TBC1D12: variants seen among roughly 807,000 people sequenced by gnomAD.
The protein encoded by TBC1D12 is TBC1 domain family, member 12.
In TBC1D12, 56 loss-of-function variants were observed where a neutral mutation model predicts 86.7. The ratio of observed to expected loss-of-function variants is 0.65; its 90% CI spans 0.52 to 0.81. The LOEUF (loss-of-function observed/expected upper bound fraction) is 0.81, where lower values mean the gene tolerates loss of function less well. TBC1D12 is among the 30% of genes least tolerant of loss of function. TBC1D12 has a pLI of 0.00. For missense variants in TBC1D12, 1,023 were observed against 1,038.8 expected, an observed-to-expected ratio of 0.98 and a Z score of 0.21; for synonymous variants, 421 against 411.7, an observed-to-expected ratio of 1.02 and a Z score of -0.27.
chr10:94,406,844 A>G (rs1432088405), intron 1 of TBC1D12, among the ~76,000 whole-genome samples: 1 of 152,196 alleles, frequency 6.6e-6, no homozygotes, highest in East Asian at 1.9e-4. Flanking sequence ...CATTGTCTAA[A>G]GAAGGTAATT....
At chr10:94,510,044 G>C in intron 7 of TBC1D12, 47 bp from the exon 8 acceptor site, 2 of 1,425,124 alleles carry the variant, frequency 1.4e-6, no homozygotes, top group East Asian at 2.3e-5. Context: ...AATTGGACTT[G>C]TTAGAGCCAA....
intron 1 of TBC1D12, among the ~76,000 whole-genome samples, chr10:94,424,687 A>G (rs978804879): frequency 1.3e-5 from 2 of 152,230 alleles, no homozygotes; most frequent in African/African-American, 4.8e-5. Flanking sequence ...ATTTCATTAC[A>G]GGCCCTGGGA....
chr10:94,470,836 A>G (rs1423543662), intron 2 of TBC1D12, among the ~76,000 whole-genome samples: 1 of 151,754 alleles, frequency 6.6e-6, no homozygotes, highest in Admixed American at 6.6e-5. Context: ...CTATTTTCTG[A>G]TAAAGATGAG....
At chr10:94,481,141 A>G (rs754971850) in intron 3 of TBC1D12, among the ~76,000 whole-genome samples, 21 of 144,132 alleles carry the variant, frequency 1.5e-4, no homozygotes, top group Non-Finnish European at 2.7e-4. Flanking sequence ...TCCAGGCTTT[A>G]TTGAGCACAG....
chr10:94,489,599 C>A (rs1321586176), intron 3 of TBC1D12, among the ~76,000 whole-genome samples: 4 of 152,186 alleles, frequency 2.6e-5, no homozygotes, highest in Non-Finnish European at 4.4e-5. Flanking sequence ...TCTTCACCCC[C>A]CTATCTTGGC....
rs1443976785 is a variant in TBC1D12, at chr10:94,442,004, C to A, written c.1080C>A (p.Ser360=). ...VPPRENLQKT[S]KIIQQEYEAR... ...CTAGAGAGAATCTTCAGAAAACATC[C>A]AAAATCATTCAGCAGGTAAGTACTG... The change falls in exon 2 of 13, where the codon TCC becomes TCA. Residue 360 remains serine (S), a synonymous_variant. Transcript: ENST00000225235. 6.2e-7 allele frequency: 1 copy of A among 1,612,266 alleles called. No individual in the cohort carries two copies. Among genetic ancestry groups the A allele is most frequent in the African/African-American group, 1.3e-5 (1 of 74,886 alleles).
chr10:94,458,711 A>G (rs1192732436), intron 2 of TBC1D12, among the ~76,000 whole-genome samples: 2 of 152,068 alleles, frequency 1.3e-5, no homozygotes, highest in Non-Finnish European at 2.9e-5. Flanking sequence ...TCAGGGGTGA[A>G]GCTGTAGACC....
rs1216840557 is a variant in TBC1D12, at chr10:94,403,333, C to T, written c.720C>T (p.Ala240=). ...ACTCAGAGCAGCGGGGAGTCGGCGC[C>T]GGGGGTCCCGAGGAGGGCGCGCCCC... ...SEDSEQRGVG[A]GGPEEGAPPA... The change falls in exon 1 of 13, where the codon GCC becomes GCT. Residue 240 remains alanine (A), a synonymous_variant. Transcript: ENST00000225235. 6.6e-6 allele frequency: 10 copies of T among 1,520,800 alleles called. No individual in the cohort carries two copies. The highest frequency in any genetic ancestry group is 5.3e-5 in the East Asian group (2 of 37,476). The allele number at this position is 1,520,800 out of a possible 1,614,324, so 94.2% of individuals were successfully genotyped here.
chr10:94,490,512 A>G (rs987976636), intron 3 of TBC1D12, among the ~76,000 whole-genome samples: 1 of 152,162 alleles, frequency 6.6e-6, no homozygotes, highest in African/African-American at 2.4e-5. Context: ...TGACATTTTT[A>G]TATTGTGACT....
chr10:94,534,435 A>G lies in TBC1D12; in HGVS notation c.*1339A>G, dbSNP rs923213592. On this transcript the variant is annotated 3_prime_UTR_variant, in exon 13 of 13. Transcript: ENST00000225235. ...TGCTTCCTCACATTGGCCACTTTGC[A>G]TAGGTTCGGGAACTTAGCAGGTTTT... 2.6e-5 allele frequency: 4 copies of G among 152,180 alleles called. No homozygotes were observed. The highest frequency in any genetic ancestry group is 6.6e-5 in the Admixed American group (1 of 15,262). 9.4% of individuals were successfully genotyped at this position (152,180 alleles called of 1,614,324 possible).
At chr10:94,418,984 C>T (rs1414590207) in intron 1 of TBC1D12, among the ~76,000 whole-genome samples, 4 of 151,952 alleles carry the variant, frequency 2.6e-5, no homozygotes, top group African/African-American at 9.7e-5. Flanking sequence ...AAGTGATTCT[C>T]CTGCCTCAGC....
At chr10:94,526,309 C>T (rs1274585717) in intron 11 of TBC1D12, among the ~76,000 whole-genome samples, 16 of 151,944 alleles carry the variant, frequency 1.1e-4, no homozygotes. Flanking sequence ...GGTGGCATCA[C>T]CTGTAGTCCC....
chr10:94,437,331 T>G (rs2055315319), intron 1 of TBC1D12, among the ~76,000 whole-genome samples: 1 of 151,698 alleles, frequency 6.6e-6, no homozygotes, highest in Non-Finnish European at 1.5e-5. Flanking sequence ...TTGGTTATTT[T>G]CTTTTTTTTT....
At chr10:94,465,772 A>ATG (rs1297912539) in intron 2 of TBC1D12, among the ~76,000 whole-genome samples, 3 of 150,102 alleles carry the variant, frequency 2.0e-5, no homozygotes, top group Non-Finnish European at 4.4e-5. Context: ...ACATACGTAT[A>ATG]CGCATACATA....
chr10:94,420,473 C>G lies in TBC1D12; in HGVS notation c.971+16889C>G, dbSNP rs114252667. 3.0e-3 allele frequency among the ~76,000 whole-genome samples: 455 copies of G among 152,330 alleles called. 3 individuals are homozygous for G. The highest frequency in any genetic ancestry group is 0.01 in the African/African-American group (429 of 41,580). On this transcript the variant is annotated intron_variant, in intron 1 of 12. Transcript: ENST00000225235. ...GTACAGCTAGCACCACTATCTAATTCTAGAACATTTCATTACCCCAAAAAG... is the reference window on the plus strand; with the variant it reads ...GTACAGCTAGCACCACTATCTAATTGTAGAACATTTCATTACCCCAAAAAG...
intron 3 of TBC1D12, among the ~76,000 whole-genome samples, chr10:94,476,185 C>A (rs1433788470): frequency 6.6e-6 from 1 of 151,474 alleles, no homozygotes; most frequent in Admixed American, 6.6e-5. Context: ...TGATCTGGAC[C>A]TTTTTCTACC....
chr10:94,531,487 T>C, intron 12 of TBC1D12, 27 bp downstream of exon 12: 9 of 1,592,586 alleles, frequency 5.7e-6, no homozygotes, highest in Non-Finnish European at 6.8e-6. Flanking sequence ...TTATCTTTAA[T>C]AGATGTGTTA....
At chr10:94,418,287 AG>A (rs965251413) in intron 1 of TBC1D12, among the ~76,000 whole-genome samples, 2 of 152,206 alleles carry the variant, frequency 1.3e-5, no homozygotes, top group African/African-American at 4.8e-5. Flanking sequence ...CCATGTTTAA[AG>A]GAGTAACTAC....
At chr10:94,440,203 T>C (rs970395742) in intron 1 of TBC1D12, among the ~76,000 whole-genome samples, 1 of 152,020 alleles carries the variant, frequency 6.6e-6, no homozygotes, top group Non-Finnish European at 1.5e-5. Flanking sequence ...AGGGTCTTGC[T>C]CTGTTGCCCA....
Sources: gnomAD v4.1 joint callset for allele counts (sites outside exome capture counted in the v4.1 genomes callset) on GRCh38, gnomAD v4.1.1 for gene constraint, MANE v1.5 for transcripts, NCBI Gene and HGNC (gene_info 2026-07-23, HGNC 2026-07-21) for gene names.